Variants in DRC9 observed in about 807,000 individuals in gnomAD.
The protein encoded by DRC9 is dynein regulatory complex subunit 9.
the DRC9 span, among the ~76,000 whole-genome samples, chr3:197,937,225 T>A: frequency 2.0e-4 from 30 of 152,316 alleles, no homozygotes; most frequent in East Asian, 5.2e-3. Context: ...TTAACAGGCT[T>A]ATTTGTCATC....
chr3:197,938,589 G>A, the DRC9 span: 1 of 1,613,938 alleles, frequency 6.2e-7, no homozygotes, highest in Non-Finnish European at 8.5e-7. Flanking sequence ...TAGTCATGAT[G>A]GTCTGCCTTG....
the DRC9 span, among the ~76,000 whole-genome samples, chr3:197,907,753 G>A: frequency 6.6e-6 from 1 of 151,988 alleles, no homozygotes. Flanking sequence ...TTATCACAGG[G>A]GTGACTGTAC....
At chr3:197,941,124 G>GTCCT in the DRC9 span, among the ~76,000 whole-genome samples, 72 of 151,048 alleles carry the variant, frequency 4.8e-4, no homozygotes, top group East Asian at 2.7e-3. Flanking sequence ...CCATTTGTTT[G>GTCCT]TCCTTCCTTC....
At chr3:197,912,785 G>C in the DRC9 span, 2 of 1,541,756 alleles carry the variant, frequency 1.3e-6, no homozygotes, top group East Asian at 2.2e-5. Flanking sequence ...CGTCTTCCCC[G>C]CAGGGCTGGG....
the DRC9 span, chr3:197,951,008 TTG>T: frequency 6.2e-7 from 1 of 1,611,308 alleles, no homozygotes; most frequent in Non-Finnish European, 8.5e-7. Flanking sequence ...TTCTTTATTT[TTG>T]TGTGTTAGAC....
the DRC9 span, chr3:197,889,660 T>C: frequency 5.4e-3 from 8,640 of 1,614,222 alleles, 363 homozygotes; most frequent in East Asian, 0.083. Context: ...TCTTTAGGCA[T>C]CTTGAAACCA....
the DRC9 span, chr3:197,945,767 G>A: frequency 1.6e-6 from 1 of 643,486 alleles, no homozygotes; most frequent in Non-Finnish European, 2.8e-6. Flanking sequence ...ATTTCATTAA[G>A]AGAAAATTAA....
chr3:197,951,426 C>G, the DRC9 span: 4 of 1,155,646 alleles, frequency 3.5e-6, no homozygotes, highest in Non-Finnish European at 5.2e-6. Flanking sequence ...TGGTCTCCCT[C>G]ACCGAAACCT....
At chr3:197,950,454 G>A in the DRC9 span, 1 of 573,428 alleles carries the variant, frequency 1.7e-6, no homozygotes, top group East Asian at 5.0e-5. Flanking sequence ...GGCCTGAACG[G>A]AGTGAAACGA....
chr3:197,951,063 G>A, the DRC9 span: 20 of 1,603,116 alleles, frequency 1.2e-5, no homozygotes, highest in Admixed American at 3.2e-4. Context: ...AAAAAACTTA[G>A]ATGTTTGCTC....
the DRC9 span, chr3:197,954,380 C>T: frequency 3.5e-6 from 2 of 567,590 alleles, no homozygotes; most frequent in Admixed American, 2.9e-5. Flanking sequence ...GTCACCCAGG[C>T]TGGGGTGCAG....
the DRC9 span, chr3:197,912,611 G>T: frequency 9.2e-7 from 1 of 1,092,432 alleles, no homozygotes; most frequent in Non-Finnish European, 1.4e-6. Context: ...TATTCTTTTT[G>T]TTTCCTCAGT....
At chr3:197,943,784 G>A in the DRC9 span, 1 of 1,614,094 alleles carries the variant, frequency 6.2e-7, no homozygotes, top group Non-Finnish European at 8.5e-7. Flanking sequence ...ATACCACGCA[G>A]ATGCTCTGTC....
the DRC9 span, among the ~76,000 whole-genome samples, chr3:197,929,017 C>A: frequency 3.3e-5 from 5 of 152,296 alleles, no homozygotes; most frequent in South Asian, 1.0e-3. This position sits in a 1 kb window ranked among gnomAD's most constrained non-coding sequence, Gnocchi z 4.6. Context: ...TGCCTTTTCT[C>A]CTCTCGGGAG....
At chr3:197,893,394 G>A in the DRC9 span, among the ~76,000 whole-genome samples, 1 of 150,824 alleles carries the variant, frequency 6.6e-6, no homozygotes, top group Non-Finnish European at 1.5e-5. Context: ...GGGGAGGAGG[G>A]TAATCTAGAT....
the DRC9 span, among the ~76,000 whole-genome samples, chr3:197,917,979 C>CCCG: frequency 9.9e-5 from 15 of 152,116 alleles, 1 homozygote; most frequent in South Asian, 1.7e-3. Flanking sequence ...AGGGGATCTG[C>CCCG]CCGCCTCAGC....
the DRC9 span, chr3:197,912,952 G>A: frequency 7.0e-6 from 4 of 573,330 alleles, no homozygotes; most frequent in Non-Finnish European, 1.2e-5. Context: ...TGTCCCTAAC[G>A]AGACGAGCAC....
At chr3:197,909,731 G>T in the DRC9 span, among the ~76,000 whole-genome samples, 1 of 152,212 alleles carries the variant, frequency 6.6e-6, no homozygotes, top group Non-Finnish European at 1.5e-5. Context: ...AGTGGCTCAT[G>T]CCTGTAATCC....
At chr3:197,938,956 A>T in the DRC9 span, 1 of 598,872 alleles carries the variant, frequency 1.7e-6, no homozygotes, top group Non-Finnish European at 3.0e-6. Context: ...CTAACTTCAC[A>T]CAACATTCTT....
Sources: gnomAD v4.1 joint callset for allele counts (sites outside exome capture counted in the v4.1 genomes callset) on GRCh38, gnomAD v4.1.1 for gene constraint, Gnocchi (gnomAD v3.1) non-coding constraint, MANE v1.5 for transcripts, NCBI Gene and HGNC (gene_info 2026-07-23, HGNC 2026-07-21) for gene names.